Variants in PGBD5 observed in about 807,000 individuals in gnomAD.
PGBD5 encodes the protein piggyBac transposable element-derived protein 5.
Under a neutral mutation model 47.9 loss-of-function variants are expected in PGBD5, and 14 were observed. The ratio of observed to expected loss-of-function variants is 0.29; its 90% CI spans 0.19 to 0.46. The LOEUF is 0.46. Among genes scored for constraint, PGBD5 ranks in the 20% least tolerant of loss-of-function variants. The pLI is 1.00. For synonymous variants in PGBD5, 316 were observed against 306.3 expected, an observed-to-expected ratio of 1.03 and a Z score of -0.33; for missense variants, 635 against 716.0, an observed-to-expected ratio of 0.89 and a Z score of 1.29.
At chr1:230,346,028 C>A (rs1437951559) in intron 3 of PGBD5, among the ~76,000 whole-genome samples, 1 of 152,060 alleles carries the variant, frequency 6.6e-6, no homozygotes, top group Non-Finnish European at 1.5e-5. Context: ...GCTTTAAATG[C>A]ATTTTTGACT....
chr1:230,356,577 T>A (rs1263542961), intron 2 of PGBD5, among the ~76,000 whole-genome samples: 1 of 152,144 alleles, frequency 6.6e-6, no homozygotes, highest in Non-Finnish European at 1.5e-5. Context: ...AAATTAATAT[T>A]CGCCTGAGCA....
chr1:230,413,557 G>A lies in PGBD5; in HGVS notation c.331+12041C>T, dbSNP rs140026782. Among the ~76,000 whole-genome samples the A allele has an allele frequency of 8.3e-3, 1,261 of 152,220 alleles. 8 individuals are homozygous for A. The highest frequency in any genetic ancestry group is 0.014 in the Non-Finnish European group (968 of 68,022). On this transcript the variant is annotated intron_variant, in intron 1 of 6. Transcript: ENST00000391860. ...GATGTGCAAAAACAGACAAGATTATGATTGAGAGCAGGTATAAAAAAGCAA... is the reference window on the plus strand; with the variant it reads ...GATGTGCAAAAACAGACAAGATTATAATTGAGAGCAGGTATAAAAAAGCAA...
At chr1:230,337,062 C>G in intron 4 of PGBD5, 46 bp downstream of exon 4, 2 of 1,588,638 alleles carry the variant, frequency 1.3e-6, no homozygotes, top group Non-Finnish European at 1.7e-6. Flanking sequence ...ACCACTTTCC[C>G]AGGGGAGGCT....
chr1:230,406,311 C>CAAAAAAAAAAAAAAAA (rs67577027), intron 1 of PGBD5, among the ~76,000 whole-genome samples: 1 of 54,664 alleles, frequency 1.8e-5, no homozygotes, highest in Non-Finnish European at 3.5e-5. Flanking sequence ...GACTCCGTCT[C>CAAAAAAAAAAAAAAAA]AAAAAAAAAA....
In PGBD5 at chr1:230,321,946, G is replaced by C. The variant is rs1370941382; in HGVS notation, c.*1479C>G. The C allele has an allele frequency of 3.9e-5, 6 of 152,566 alleles. No individual in the cohort carries two copies. Among genetic ancestry groups the C allele is most frequent in the Admixed American group, 3.3e-4 (5 of 15,288 alleles). 9.5% of individuals were successfully genotyped at this position (152,566 alleles called of 1,614,324 possible). A position where few individuals can be genotyped will look rare whatever the true frequency, so the allele number is the denominator to read the frequency against. ...CCATGATCTAGAGCACAGGAGCCAC[G>C]TGGGGCCCGGAGCATGCGGACAGCA... On this transcript the variant is annotated 3_prime_UTR_variant, in exon 7 of 7. Coordinates refer to ENST00000391860, the MANE Select transcript of PGBD5 (RefSeq NM_001258311.2).
Position 230,324,684 on chromosome 1 carries a change from G to A in PGBD5, c.1379+626C>T, listed in dbSNP as rs147293238. On this transcript the variant is annotated intron_variant, in intron 6 of 6. Transcript: ENST00000391860. ...TTAATAGTTTCAATGTTCAATAGTC[G>A]TCATTTTTTGAGTTCCCATCATGGT... Among the ~76,000 whole-genome samples the A allele has an allele frequency of 7.8e-4, 118 of 152,232 alleles. 1 individual carries two copies. In the East Asian group the frequency reaches 8.1e-3, roughly 10 times the overall value.
intron 1 of PGBD5, among the ~76,000 whole-genome samples, chr1:230,386,163 CA>C (rs1158376939): frequency 1.3e-5 from 2 of 151,944 alleles, no homozygotes; most frequent in Admixed American, 6.6e-5. Context: ...CCCATCTCTA[CA>C]AAAAATTTGG....
chr1:230,323,240 A>C lies in PGBD5; in HGVS notation c.*185T>G, dbSNP rs949228624. 1.6e-6 allele frequency: 1 copy of C among 620,292 alleles called. No homozygotes were observed. Among genetic ancestry groups the C allele is most frequent in the African/African-American group, 1.8e-5 (1 of 54,188 alleles). The allele number at this position is 620,292 out of a possible 1,614,324, so 38.4% of individuals were successfully genotyped here. A position where few individuals can be genotyped will look rare whatever the true frequency, so the allele number is the denominator to read the frequency against. On this transcript the variant is annotated 3_prime_UTR_variant, in exon 7 of 7. Transcript: ENST00000391860. The surrounding 1 kb of genome is among the most constrained non-coding windows in gnomAD (Gnocchi z 4.1). Reference sequence around the variant, plus strand: ...TCGAGGGAGGACATGCTCTTCTTGGAATGCAAATGAGGACAGCAACCGTCC... The same window carrying C: ...TCGAGGGAGGACATGCTCTTCTTGGCATGCAAATGAGGACAGCAACCGTCC...
intron 1 of PGBD5, among the ~76,000 whole-genome samples, chr1:230,389,313 C>G (rs977090196): frequency 1.3e-5 from 2 of 152,034 alleles, no homozygotes; most frequent in Non-Finnish European, 2.9e-5. Flanking sequence ...GCTGGGATTA[C>G]AGGCGCGTGC....
chr1:230,328,779 T>C (rs1439683266), intron 5 of PGBD5, among the ~76,000 whole-genome samples: 1 of 152,192 alleles, frequency 6.6e-6, no homozygotes, highest in Non-Finnish European at 1.5e-5. Context: ...CTCATATTCA[T>C]ATGCAGACAT....
intron 1 of PGBD5, chr1:230,362,343 C>T (rs756967918): frequency 1.2e-5 from 16 of 1,367,330 alleles, no homozygotes; most frequent in African/African-American, 1.5e-5. Flanking sequence ...GCGGCCGAGG[C>T]GTCGACTCCA....
intron 1 of PGBD5, among the ~76,000 whole-genome samples, chr1:230,416,010 C>T (rs1211303347): frequency 6.6e-6 from 1 of 152,162 alleles, no homozygotes; most frequent in Non-Finnish European, 1.5e-5. Flanking sequence ...TTAGAAAGTG[C>T]TTAGAAAAGC....
intron 2 of PGBD5, among the ~76,000 whole-genome samples, chr1:230,355,415 C>A (rs889153989): frequency 6.6e-6 from 1 of 152,238 alleles, no homozygotes; most frequent in Non-Finnish European, 1.5e-5. Context: ...CAGCCTTCTG[C>A]GGCACCTCTC....
At chr1:230,338,082 A>G (rs1667354195) in intron 3 of PGBD5, among the ~76,000 whole-genome samples, 1 of 152,268 alleles carries the variant, frequency 6.6e-6, no homozygotes, top group Non-Finnish European at 1.5e-5. Context: ...AGAGAAGTTC[A>G]TAGATCTGAG....
At chr1:230,326,281 G>A (rs1037743744) in intron 5 of PGBD5, among the ~76,000 whole-genome samples, 9 of 152,290 alleles carry the variant, frequency 5.9e-5, no homozygotes, top group South Asian at 2.1e-4. Context: ...AGCTGGGCAC[G>A]GTGGCAGGCG....
intron 1 of PGBD5, among the ~76,000 whole-genome samples, chr1:230,366,101 G>A (rs1667828655): frequency 6.6e-6 from 1 of 151,868 alleles, no homozygotes. Context: ...TAAAAGGCCA[G>A]GAGGGGACAG....
At position 230,316,187 on chromosome 1, in the gene PGBD5, TGC is replaced by T. The variant is rs1491464671; in HGVS notation, c.*7236_*7237del. The T allele has an allele frequency of 6.3e-4, 28 of 44,118 alleles. No homozygotes were observed. The East Asian group carries it at 8.6e-3, about 14-fold the overall frequency. The allele number at this position is 44,118 out of a possible 1,614,324, so 2.7% of individuals were successfully genotyped here. A position where few individuals can be genotyped will look rare whatever the true frequency, so the allele number is the denominator to read the frequency against. ...GTGTATACATACATACGTACACATGTGCATGTGTATACATACATATGTACACA... is the reference window on the plus strand; with the variant it reads ...GTGTATACATACATACGTACACATGTATGTGTATACATACATATGTACACA... On this transcript the variant is annotated 3_prime_UTR_variant, in exon 7 of 7. Coordinates refer to ENST00000391860, the MANE Select transcript of PGBD5 (RefSeq NM_001258311.2).
chr1:230,333,010 C>CCG lies in PGBD5; in HGVS notation c.1105_1106dup (p.Lys370GlyfsTer13), dbSNP rs1487199587. On this transcript the variant is annotated frameshift_variant, in exon 5 of 7. Coordinates refer to ENST00000391860, the MANE Select transcript of PGBD5 (RefSeq NM_001258311.2). LOFTEE classifies it high-confidence loss of function. ...GTGGGAGGCCGGTGCAGTCACTCTT[C>CCG]CGCGCGCGGAGCAAGCCGCAGCAGT... The CCG allele has an allele frequency of 6.2e-7, 1 of 1,608,590 alleles. No homozygotes were observed. The highest frequency in any genetic ancestry group is 8.5e-7 in the Non-Finnish European group (1 of 1,177,600).
intron 1 of PGBD5, among the ~76,000 whole-genome samples, chr1:230,410,813 A>G (rs1657392229): frequency 6.6e-6 from 1 of 152,174 alleles, no homozygotes; most frequent in South Asian, 2.1e-4. Flanking sequence ...CAAAAAAGAT[A>G]AAAGTTCAAA....
Sources: gnomAD v4.1 joint callset for allele counts (sites outside exome capture counted in the v4.1 genomes callset) on GRCh38, gnomAD v4.1.1 for gene constraint, Gnocchi (gnomAD v3.1) non-coding constraint, MANE v1.5 for transcripts, NCBI Gene and HGNC (gene_info 2026-07-23, HGNC 2026-07-21) for gene names.